Variants in ITK observed in about 807,000 individuals in gnomAD.
ITK encodes the protein IL2 inducible T cell kinase, also known as tyrosine-protein kinase ITK/TSK.
A neutral mutation model predicts 87.6 loss-of-function variants in ITK; 45 were observed. The ratio of observed to expected loss-of-function variants is 0.51; its 90% CI spans 0.40 to 0.66. The LOEUF (loss-of-function observed/expected upper bound fraction) is 0.66, where lower values mean the gene tolerates loss of function less well. Ranked by LOEUF, ITK falls within the 30% of genes least tolerant of loss-of-function variation. The pLI, the probability that ITK is intolerant of heterozygous loss-of-function variation, is 0.00. For synonymous variants in ITK, 303 were observed against 273.6 expected, an observed-to-expected ratio of 1.11 and a Z score of -1.06; for missense variants, 605 against 766.3, an observed-to-expected ratio of 0.79 and a Z score of 2.48.
chr5:157,227,171 A>G (rs1754548926), intron 6 of ITK, among the ~76,000 whole-genome samples: 1 of 152,168 alleles, frequency 6.6e-6, no homozygotes, highest in African/African-American at 2.4e-5. Flanking sequence ...TACTTAAACT[A>G]GATTTTAAGT....
Position 157,208,880 on chromosome 5 carries a change from T to C in ITK, c.139-9T>C. ...CTTACATGAATGGGATGTTCTTCTC[T>C]CCCCACAGAAGAAGCGCACGCTGAA... On this transcript the variant is annotated splice_polypyrimidine_tract_variant and intron_variant, in intron 1 of 16. Transcript: ENST00000422843. The C allele has an allele frequency of 6.3e-7, 1 of 1,593,514 alleles. No homozygotes were observed. Among genetic ancestry groups the C allele is most frequent in the Non-Finnish European group, 8.6e-7 (1 of 1,161,296 alleles).
chr5:157,234,630 G>T (rs774973149), intron 8 of ITK, among the ~76,000 whole-genome samples: 1 of 152,116 alleles, frequency 6.6e-6, no homozygotes, highest in African/African-American at 2.4e-5. Flanking sequence ...CAGGGACATG[G>T]ATAAAGCTGG....
At chr5:157,233,666 T>C (rs1469278878) in intron 8 of ITK, among the ~76,000 whole-genome samples, 1 of 152,120 alleles carries the variant, frequency 6.6e-6, no homozygotes, top group Non-Finnish European at 1.5e-5. Context: ...GGCTGTGTTA[T>C]TGGATAACAA....
intron 16 of ITK, among the ~76,000 whole-genome samples, chr5:157,251,658 A>G (rs910965867): frequency 6.6e-6 from 1 of 152,190 alleles, no homozygotes; most frequent in East Asian, 1.9e-4. Flanking sequence ...TAGGTCTATG[A>G]TCCACTTTGA....
intron 16 of ITK, among the ~76,000 whole-genome samples, chr5:157,250,786 G>A (rs1755126390): frequency 6.6e-6 from 1 of 151,982 alleles, no homozygotes; most frequent in Non-Finnish European, 1.5e-5. Flanking sequence ...TTATAAGTGT[G>A]AGTGCTCAGG....
At chr5:157,225,810 T>C (rs1486815069) in intron 6 of ITK, among the ~76,000 whole-genome samples, 2 of 152,234 alleles carry the variant, frequency 1.3e-5, no homozygotes, top group African/African-American at 2.4e-5. Flanking sequence ...CTACAGGGTC[T>C]ACAAACACCG....
chr5:157,249,024 C>CT lies in ITK; in HGVS notation c.1791+19dup. 1 of 1,610,312 alleles carries CT rather than the reference C, an allele frequency of 6.2e-7. No individual in the cohort carries two copies. The highest frequency in any genetic ancestry group is 1.7e-4 in the Middle Eastern group (1 of 5,888). ...TGGAAAGAGGTCAGTGGAGGAAGTG[C>CT]TTCCCCATGCATTGTCGTATACAAT... On this transcript the variant is annotated intron_variant, in intron 16 of 16. Transcript: ENST00000422843.
intron 5 of ITK, among the ~76,000 whole-genome samples, chr5:157,219,426 G>C (rs61607645): frequency 0.18 from 27,131 of 152,056 alleles, 3,219 homozygotes; most frequent in African/African-American, 0.34. Flanking sequence ...ACCCACATTT[G>C]AGTACTCGCT....
intron 15 of ITK, 103 bp from the exon 16 acceptor site, chr5:157,248,747 A>G: frequency 7.6e-6 from 10 of 1,309,162 alleles, no homozygotes; most frequent in Middle Eastern, 2.1e-4. Context: ...GAGGTAGCAC[A>G]TGAATCCTAA....
At position 157,208,866 on chromosome 5, in the gene ITK, G is replaced by A. The variant is rs367810571; in HGVS notation, c.139-23G>A. 83 of 1,493,976 alleles carry A rather than the reference G, an allele frequency of 5.6e-5. No homozygotes were observed. The highest frequency in any genetic ancestry group is 7.5e-5 in the Non-Finnish European group (80 of 1,071,068). 92.5% of individuals were successfully genotyped at this position (1,493,976 alleles called of 1,614,324 possible). On this transcript the variant is annotated intron_variant, in intron 1 of 16. Coordinates refer to ENST00000422843, the MANE Select transcript of ITK (RefSeq NM_005546.4). ...ATATTGTCTTCTTTCTTACATGAAT[G>A]GGATGTTCTTCTCTCCCCACAGAAG...
intron 1 of ITK, among the ~76,000 whole-genome samples, chr5:157,185,402 C>A (rs1580871415): frequency 6.6e-6 from 1 of 151,982 alleles, no homozygotes; most frequent in African/African-American, 2.4e-5. Context: ...TCATGCTTGG[C>A]TAATTTTTGT....
rs769649354 is a variant in ITK at position 157,238,104 on chromosome 5, TC to T, written c.769-3del. 1 of 1,610,242 alleles carries T rather than the reference TC, an allele frequency of 6.2e-7. No homozygotes were observed. Among genetic ancestry groups the T allele is most frequent in the East Asian group, 2.2e-5 (1 of 44,848 alleles). On this transcript the variant is annotated splice_polypyrimidine_tract_variant and splice_region_variant and intron_variant, in intron 8 of 16. Coordinates refer to ENST00000422843, the MANE Select transcript of ITK (RefSeq NM_005546.4). ...CTAACTTTCCATTCTTTCTAACCAT[TC>T]CAGGGCAAAGAAGGAGCCTTCATGG...
chr5:157,202,064 C>T (rs193188909), intron 1 of ITK, among the ~76,000 whole-genome samples: 29 of 152,220 alleles, frequency 1.9e-4, no homozygotes, highest in African/African-American at 6.3e-4. Context: ...CCCCCACTTA[C>T]GAGAACATGC....
chr5:157,204,420 A>G (rs780975991), intron 1 of ITK, among the ~76,000 whole-genome samples: 1 of 152,002 alleles, frequency 6.6e-6, no homozygotes, highest in Non-Finnish European at 1.5e-5. Flanking sequence ...AAAATTGGGG[A>G]CCAGCGCAGT....
At chr5:157,197,484 A>G (rs1386545757) in intron 1 of ITK, among the ~76,000 whole-genome samples, 1 of 152,238 alleles carries the variant, frequency 6.6e-6, no homozygotes, top group African/African-American at 2.4e-5. Flanking sequence ...TTCAAATATC[A>G]TAAGAATATA....
chr5:157,240,000 A>G, intron 9 of ITK, 62 bp from the exon 10 acceptor site: 2 of 1,531,154 alleles, frequency 1.3e-6, no homozygotes, highest in Non-Finnish European at 1.8e-6. Flanking sequence ...ATACTCGTAG[A>G]CTTTTTTGTG....
intron 6 of ITK, among the ~76,000 whole-genome samples, chr5:157,227,807 A>G (rs1022323795): frequency 1.2e-5 from 1 of 84,474 alleles, no homozygotes; most frequent in Non-Finnish European, 2.6e-5. Flanking sequence ...AGTTGCTATT[A>G]TTTTTTACCA....
chr5:157,184,090 G>A (rs931027481), intron 1 of ITK, among the ~76,000 whole-genome samples: 2 of 152,160 alleles, frequency 1.3e-5, no homozygotes, highest in Non-Finnish European at 2.9e-5. Flanking sequence ...GCATAGATTT[G>A]GCAGGTGGTA....
chr5:157,227,592 A>G (rs1480150255), intron 6 of ITK, among the ~76,000 whole-genome samples: 1 of 152,174 alleles, frequency 6.6e-6, no homozygotes, highest in Non-Finnish European at 1.5e-5. Context: ...CTATAAAATG[A>G]TAGTACTAAA....
Sources: allele counts gnomAD v4.1 joint callset (sites outside exome capture counted in the v4.1 genomes callset), GRCh38; gene constraint gnomAD v4.1.1; transcripts MANE v1.5; gene names NCBI Gene and HGNC (gene_info 2026-07-23, HGNC 2026-07-21).